B3GAT1: variants seen among roughly 807,000 people sequenced by gnomAD.
B3GAT1 encodes the protein galactosylgalactosylxylosylprotein 3-beta-glucuronosyltransferase 1.
In B3GAT1, 11 loss-of-function variants were observed where a neutral mutation model predicts 28.4. The ratio of observed to expected loss-of-function variants is 0.39; its 90% CI spans 0.24 to 0.64. The LOEUF (loss-of-function observed/expected upper bound fraction) is 0.64, where lower values mean the gene tolerates loss of function less well. B3GAT1 is among the 30% of genes least tolerant of loss of function. The pLI is 0.50. For synonymous variants in B3GAT1, 255 were observed against 223.1 expected, an observed-to-expected ratio of 1.14 and a Z score of -1.27; for missense variants, 375 against 491.0, an observed-to-expected ratio of 0.76 and a Z score of 2.23.
At position 134,400,185 on chromosome 11, in the gene B3GAT1, C is replaced by T. The variant is rs147060027; in HGVS notation, c.-282+11622G>A. ...CCCTGCCCCTGCCCCGATCTGCTCA[C>T]TCAAGGTGCACACACTGTGGGACTT... On this transcript the variant is annotated intron_variant, in intron 1 of 5. Coordinates refer to ENST00000312527, the MANE Select transcript of B3GAT1 (RefSeq NM_054025.3). 1.7e-3 allele frequency among the ~76,000 whole-genome samples: 260 copies of T among 152,286 alleles called. 2 individuals carry two copies. Among genetic ancestry groups the T allele is most frequent in the African/African-American group, 5.8e-3 (239 of 41,554 alleles).
intron 3 of B3GAT1, 78 bp from the exon 4 acceptor site, chr11:134,383,084 C>T: frequency 7.0e-7 from 1 of 1,422,788 alleles, no homozygotes; most frequent in Non-Finnish European, 9.3e-7. Flanking sequence ...GAGGCGACAT[C>T]CTTCAGCCAC....
rs1460152390 is a variant in B3GAT1 at position 134,412,006 on chromosome 11, C to G, written c.-481G>C. On this transcript the variant is annotated 5_prime_UTR_variant, in exon 1 of 6. Transcript: ENST00000312527. ...GCCCGCCCCGCCCGGCCCCGCCGCC[C>G]CGGCCCGGCTCGTTCTGGGCTCAGC... 6.8e-6 allele frequency: 1 copy of G among 147,458 alleles called. No homozygotes were observed. Among genetic ancestry groups the G allele is most frequent in the Non-Finnish European group, 1.5e-5 (1 of 66,080 alleles). 9.1% of individuals were successfully genotyped at this position (147,458 alleles called of 1,614,324 possible).
intron 1 of B3GAT1, among the ~76,000 whole-genome samples, chr11:134,396,396 CT>C (rs904974590): frequency 1.2e-4 from 18 of 152,148 alleles, no homozygotes; most frequent in African/African-American, 4.3e-4. Flanking sequence ...TGCCACCCCC[CT>C]GCCACCACCT....
intron 1 of B3GAT1, chr11:134,389,539 C>T (rs1944364845): frequency 6.6e-6 from 1 of 152,454 alleles, no homozygotes; most frequent in African/African-American, 2.4e-5. Flanking sequence ...TCCTGACCGC[C>T]TTGGAAACTG....
chr11:134,404,111 C>T (rs11821812), intron 1 of B3GAT1, among the ~76,000 whole-genome samples: 9,276 of 147,112 alleles, frequency 0.063, 341 homozygotes, highest in African/African-American at 0.077. Flanking sequence ...TGTTGGTGTG[C>T]TGCACCCATT....
intron 1 of B3GAT1, among the ~76,000 whole-genome samples, chr11:134,400,544 G>C (rs749316541): frequency 1.3e-5 from 2 of 152,180 alleles, no homozygotes; most frequent in Admixed American, 1.3e-4. Context: ...AAGATTCAGC[G>C]GATGGCTAGC....
chr11:134,405,785 G>C (rs1944720350), intron 1 of B3GAT1, among the ~76,000 whole-genome samples: 1 of 152,224 alleles, frequency 6.6e-6, no homozygotes, highest in Non-Finnish European at 1.5e-5. Flanking sequence ...GAAAAGAAGG[G>C]AGTAGCCCAG....
chr11:134,402,982 G>C (rs1450148000), intron 1 of B3GAT1, among the ~76,000 whole-genome samples: 1 of 152,058 alleles, frequency 6.6e-6, no homozygotes, highest in Non-Finnish European at 1.5e-5. Context: ...GTGAACCAGA[G>C]TGGGCAGTGT....
chr11:134,404,571 T>C (rs1042404841), intron 1 of B3GAT1, among the ~76,000 whole-genome samples: 1 of 152,078 alleles, frequency 6.6e-6, no homozygotes, highest in Non-Finnish European at 1.5e-5. Flanking sequence ...CACGGCTGGG[T>C]TGGGTGTCTG....
intron 1 of B3GAT1, among the ~76,000 whole-genome samples, chr11:134,409,290 G>T (rs1369585621): frequency 6.6e-6 from 1 of 152,134 alleles, no homozygotes; most frequent in Non-Finnish European, 1.5e-5. Flanking sequence ...CTTCAGTAGG[G>T]TCCCCAAAGG....
Position 134,402,667 on chromosome 11 carries a change from C to T in B3GAT1, c.-282+9140G>A, listed in dbSNP as rs970136365. On this transcript the variant is annotated intron_variant, in intron 1 of 5. Coordinates refer to ENST00000312527, the MANE Select transcript of B3GAT1 (RefSeq NM_054025.3). The stretch of plus-strand genomic sequence containing the variant: ...GTGACTCATGCCTGTAACCCCAGCA[C>T]ATTGGGAGGCTGAGGTGGGTGGATC... Among the ~76,000 whole-genome samples, 8 of 152,170 alleles carry T rather than the reference C, an allele frequency of 5.3e-5. 1 individual carries two copies. The highest frequency in any genetic ancestry group is 1.9e-4 in the African/African-American group (8 of 41,436).
chr11:134,404,966 C>T (rs1244442762), intron 1 of B3GAT1, among the ~76,000 whole-genome samples: 2 of 152,194 alleles, frequency 1.3e-5, no homozygotes, highest in South Asian at 2.1e-4. Context: ...GTGGGTGCAA[C>T]TGGCCGGTCC....
Position 134,404,025 on chromosome 11 carries a change from A to ATT in B3GAT1, c.-282+7781_-282+7782insAA, listed in dbSNP as rs1565459449. 3.3e-3 allele frequency among the ~76,000 whole-genome samples: 380 copies of ATT among 116,560 alleles called. 6 individuals carry two copies. The highest frequency in any genetic ancestry group is 9.7e-3 in the Middle Eastern group (2 of 206). 76.5% of individuals were successfully genotyped at this position (116,560 alleles called of 152,430 possible). ...TATATATATATATATATATATATAT[A>ATT]TATATTTATTATACGTTAAGTTCTA... On this transcript the variant is annotated intron_variant, in intron 1 of 5. Coordinates refer to ENST00000312527, the MANE Select transcript of B3GAT1 (RefSeq NM_054025.3).
intron 1 of B3GAT1, among the ~76,000 whole-genome samples, chr11:134,405,495 G>C (rs1203201736): frequency 1.3e-5 from 2 of 152,220 alleles, no homozygotes; most frequent in East Asian, 3.9e-4. Context: ...GTGGCCTGAA[G>C]GAGCTGACCT....
intron 2 of B3GAT1, chr11:134,384,405 A>C: frequency 3.6e-6 from 2 of 554,780 alleles, no homozygotes; most frequent in Non-Finnish European, 3.0e-6. Flanking sequence ...CACAGACATA[A>C]CCTCTTCCTT....
Position 134,412,106 on chromosome 11 carries a change from G to GGGGGGGC in B3GAT1, c.-582_-581insGCCCCCC, listed in dbSNP as rs1195291381. On this transcript the variant is annotated 5_prime_UTR_variant, in exon 1 of 6. Coordinates refer to ENST00000312527, the MANE Select transcript of B3GAT1 (RefSeq NM_054025.3). ...GGAGGCGGGGGGCGGGGGGCGGGGAGGGGGAGCGGGGAGGGGGAGCGGGGA... is the reference window on the plus strand; with the variant it reads ...GGAGGCGGGGGGCGGGGGGCGGGGAGGGGGGGCGGGGAGCGGGGAGGGGGAGCGGGGA... Among the ~76,000 whole-genome samples the GGGGGGGC allele has an allele frequency of 1.4e-5, 2 of 137,984 alleles. No individual in the cohort carries two copies. Among genetic ancestry groups the GGGGGGGC allele is most frequent in the African/African-American group, 2.6e-5 (1 of 38,548 alleles). 90.5% of individuals were successfully genotyped at this position (137,984 alleles called of 152,430 possible).
rs1220490358 is a variant in B3GAT1, at chr11:134,411,990, G to GCCCGGCCCCGCCGC, written c.-479_-466dup. The GCCCGGCCCCGCCGC allele has an allele frequency of 3.8e-5, 5 of 130,398 alleles. No individual in the cohort carries two copies. Among genetic ancestry groups the GCCCGGCCCCGCCGC allele is most frequent in the African/African-American group, 8.6e-5 (3 of 34,870 alleles). The allele number at this position is 130,398 out of a possible 1,614,324, so 8.1% of individuals were successfully genotyped here. A position where few individuals can be genotyped will look rare whatever the true frequency, so the allele number is the denominator to read the frequency against. Reference sequence around the variant, plus strand: ...CGGGGTCCGCGCGCCCGCCCGCCCCGCCCGGCCCCGCCGCCCCGGCCCGGC... The same window carrying GCCCGGCCCCGCCGC: ...CGGGGTCCGCGCGCCCGCCCGCCCCGCCCGGCCCCGCCGCCCCGGCCCCGCCGCCCCGGCCCGGC... On this transcript the variant is annotated 5_prime_UTR_variant, in exon 1 of 6. Coordinates refer to ENST00000312527, the MANE Select transcript of B3GAT1 (RefSeq NM_054025.3). This position sits in a 1 kb window ranked among gnomAD's most constrained non-coding sequence, Gnocchi z 6.0.
Position 134,384,496 on chromosome 11 carries a change from C to A in B3GAT1, c.113-308G>T, listed in dbSNP as rs75470947. 3,245 of 426,792 alleles carry A rather than the reference C, an allele frequency of 7.6e-3. 108 individuals are homozygous for A. Among genetic ancestry groups the A allele is most frequent in the African/African-American group, 0.057 (2,810 of 49,698 alleles). The allele number at this position is 426,792 out of a possible 1,614,324, so 26.4% of individuals were successfully genotyped here. On this transcript the variant is annotated intron_variant, in intron 2 of 5. Transcript: ENST00000312527. ...CATCCTCAGTTCCTGAATGTGCTGA[C>A]TTTCCTATGAAAAGGCGTCCCGACC... is the stretch of plus-strand genomic sequence containing the variant.
rs1480359798 is a variant in B3GAT1 at position 134,379,305 on chromosome 11, G to A, written c.*1457C>T. 1 of 152,108 alleles carries A rather than the reference G, an allele frequency of 6.6e-6. No homozygotes were observed. The highest frequency in any genetic ancestry group is 1.5e-5 in the Non-Finnish European group (1 of 67,932). The allele number at this position is 152,108 out of a possible 1,614,324, so 9.4% of individuals were successfully genotyped here. A position where few individuals can be genotyped will look rare whatever the true frequency, so the allele number is the denominator to read the frequency against. On this transcript the variant is annotated 3_prime_UTR_variant, in exon 6 of 6. Transcript: ENST00000312527. Reference sequence around the variant, plus strand: ...GTGAGTCTTAATGGGGTGGGAGGCTGTTAGTTAAAAAATAAACACCTCTTC... The same window carrying A: ...GTGAGTCTTAATGGGGTGGGAGGCTATTAGTTAAAAAATAAACACCTCTTC...
Sources: gnomAD v4.1 joint callset for allele counts (sites outside exome capture counted in the v4.1 genomes callset) on GRCh38, gnomAD v4.1.1 for gene constraint, Gnocchi (gnomAD v3.1) non-coding constraint, MANE v1.5 for transcripts, NCBI Gene and HGNC (gene_info 2026-07-23, HGNC 2026-07-21) for gene names.